The following FHIT variants were observed in gnomAD, a reference collection of about 807,000 sequenced individuals.
FHIT encodes fragile histidine triad diadenosine triphosphatase, also known as bis(5'-adenosyl)-triphosphatase.
In FHIT, 19 loss-of-function variants were observed where a neutral mutation model predicts 17.9. The observed-to-expected ratio is 1.06, with a 90% CI of 0.74 to 1.56. FHIT has a LOEUF of 1.56. Among genes scored for constraint, FHIT ranks in the 40% most tolerant of loss-of-function variants. The pLI is 0.00. For missense variants in FHIT, 248 were observed against 189.2 expected (o/e 1.31, Z -1.82); for synonymous variants, 81 against 69.7 (o/e 1.16, Z -0.81).
At chr3:60,335,493 C>G (rs1390442497) in intron 5 of FHIT, among the ~76,000 whole-genome samples, 1 of 152,144 alleles carries the variant, frequency 6.6e-6, no homozygotes, top group Non-Finnish European at 1.5e-5. Flanking sequence ...CACATAAATT[C>G]AAACACTATG....
chr3:61,014,807 A>AATATATATAT (rs1553798840), intron 3 of FHIT, among the ~76,000 whole-genome samples: 2,746 of 48,810 alleles, frequency 0.056, 151 homozygotes, highest in Non-Finnish European at 0.086. Context: ...AAAAAAAAAA[A>AATATATATAT]ATATATATAT....
intron 1 of FHIT, among the ~76,000 whole-genome samples, chr3:61,215,779 A>G (rs1370231460): frequency 6.6e-6 from 1 of 152,244 alleles, no homozygotes; most frequent in Non-Finnish European, 1.5e-5. Context: ...ACAGCATGGT[A>G]CTGGTAGCAA....
At chr3:60,409,137 G>C (rs1444082423) in intron 5 of FHIT, among the ~76,000 whole-genome samples, 1 of 152,180 alleles carries the variant, frequency 6.6e-6, no homozygotes, top group Non-Finnish European at 1.5e-5. Context: ...GAATATGATA[G>C]TGTATGTTAC....
chr3:60,003,601 T>C (rs1179515983), intron 7 of FHIT, among the ~76,000 whole-genome samples: 1 of 152,018 alleles, frequency 6.6e-6, no homozygotes, highest in Non-Finnish European at 1.5e-5. Flanking sequence ...AAATAATAGC[T>C]AGGCATGGTG....
chr3:60,303,109 C>G (rs1004085798), intron 5 of FHIT, among the ~76,000 whole-genome samples: 6 of 152,080 alleles, frequency 3.9e-5, no homozygotes, highest in Middle Eastern at 3.2e-3. Context: ...TGACAACTGC[C>G]AAACCTGGAA....
intron 2 of FHIT, among the ~76,000 whole-genome samples, chr3:61,064,710 T>G (rs1028263272): frequency 2.6e-5 from 4 of 152,138 alleles, no homozygotes; most frequent in African/African-American, 9.7e-5. Flanking sequence ...AAAATTTAAA[T>G]TATGCTGTTA....
At chr3:60,210,307 A>G (rs565287612) in intron 5 of FHIT, among the ~76,000 whole-genome samples, 1 of 152,298 alleles carries the variant, frequency 6.6e-6, no homozygotes, top group Admixed American at 6.5e-5. Flanking sequence ...TAAATTCCAA[A>G]TGGATCAACT....
At chr3:59,842,075 C>G (rs1471937914) in intron 8 of FHIT, among the ~76,000 whole-genome samples, 1 of 152,100 alleles carries the variant, frequency 6.6e-6, no homozygotes, top group African/African-American at 2.4e-5. Flanking sequence ...TCTCCCTCCC[C>G]CCAGCTTCTG....
Position 60,823,794 on chromosome 3 carries a change from T to C in FHIT, c.-110-1783A>G, listed in dbSNP as rs562642575. 2.3e-4 allele frequency among the ~76,000 whole-genome samples: 35 copies of C among 152,196 alleles called. No homozygotes were observed. The South Asian group carries it at 3.1e-3, about 14-fold the overall frequency. ...ATTGTTGCATTTTTGAGCAAGGAGATCAGGAAAGATCTCACTGAAAAGGTA... is the reference window on the plus strand; with the variant it reads ...ATTGTTGCATTTTTGAGCAAGGAGACCAGGAAAGATCTCACTGAAAAGGTA... On this transcript the variant is annotated intron_variant, in intron 3 of 9. Coordinates refer to ENST00000492590, the MANE Select transcript of FHIT (RefSeq NM_002012.4).
At chr3:60,265,928 T>A (rs1706551512) in intron 5 of FHIT, among the ~76,000 whole-genome samples, 1 of 151,724 alleles carries the variant, frequency 6.6e-6, no homozygotes, top group Non-Finnish European at 1.5e-5. Context: ...TTAATAATGA[T>A]GGGGAAAAAT....
At chr3:59,985,904 T>A (rs1708877163) in intron 7 of FHIT, among the ~76,000 whole-genome samples, 1 of 151,862 alleles carries the variant, frequency 6.6e-6, no homozygotes, top group Non-Finnish European at 1.5e-5. Context: ...AGGATACATT[T>A]ATAGAGCCTG....
chr3:60,729,388 G>A (rs880003619), intron 4 of FHIT, among the ~76,000 whole-genome samples: 11 of 152,268 alleles, frequency 7.2e-5, no homozygotes, highest in South Asian at 4.1e-4. Flanking sequence ...GGTTGTATGC[G>A]GCTTGTGTCA....
chr3:59,984,408 G>T (rs555754192), intron 7 of FHIT, among the ~76,000 whole-genome samples: 7 of 152,054 alleles, frequency 4.6e-5, no homozygotes, highest in Non-Finnish European at 1.0e-4. Flanking sequence ...GGGGGCTCTG[G>T]AAGACAGCGT....
At chr3:60,290,593 G>A (rs1189477176) in intron 5 of FHIT, among the ~76,000 whole-genome samples, 3 of 152,064 alleles carry the variant, frequency 2.0e-5, no homozygotes, top group Non-Finnish European at 4.4e-5. Flanking sequence ...CAGCAGAGAT[G>A]TTAAAACATG....
At chr3:60,146,475 C>T (rs1274219220) in intron 5 of FHIT, among the ~76,000 whole-genome samples, 1 of 151,996 alleles carries the variant, frequency 6.6e-6, no homozygotes, top group Non-Finnish European at 1.5e-5. Context: ...ATTTCATTCT[C>T]AAACAGATTT....
chr3:60,123,509 A>T (rs996451732), intron 5 of FHIT, among the ~76,000 whole-genome samples: 4 of 152,074 alleles, frequency 2.6e-5, no homozygotes, highest in African/African-American at 9.7e-5. Flanking sequence ...CCTTAAGGAG[A>T]AAAAAAGCAA....
At chr3:60,289,005 T>G (rs1317954887) in intron 5 of FHIT, among the ~76,000 whole-genome samples, 1 of 152,170 alleles carries the variant, frequency 6.6e-6, no homozygotes, top group Non-Finnish European at 1.5e-5. Context: ...TAAAATCTAC[T>G]CAGAGGTTAG....
chr3:60,222,804 G>C (rs1335789620), intron 5 of FHIT, among the ~76,000 whole-genome samples: 2 of 152,138 alleles, frequency 1.3e-5, no homozygotes, highest in Non-Finnish European at 2.9e-5. Context: ...AGGAGGCTGA[G>C]GCAGGAGAAC....
At chr3:61,063,018 G>A (rs1321125372) in intron 2 of FHIT, among the ~76,000 whole-genome samples, 1 of 152,004 alleles carries the variant, frequency 6.6e-6, no homozygotes, top group East Asian at 1.9e-4. Flanking sequence ...TTTAAGTGTT[G>A]GGAGTCCGAG....
Sources: gnomAD v4.1 joint callset for allele counts (sites outside exome capture counted in the v4.1 genomes callset) on GRCh38, gnomAD v4.1.1 for gene constraint, MANE v1.5 for transcripts, NCBI Gene and HGNC (gene_info 2026-07-23, HGNC 2026-07-21) for gene names.